The following SV2C variants were observed in gnomAD, a reference collection of about 807,000 sequenced individuals.
The protein encoded by SV2C is solute carrier family 22 member B3.
Under a neutral mutation model 79.7 loss-of-function variants are expected in SV2C, and 49 were observed. That is an observed-to-expected ratio of 0.61 (90% confidence interval 0.49 to 0.78). The LOEUF is 0.78. Among genes scored for constraint, SV2C ranks in the 30% least tolerant of loss-of-function variants. The probability of loss-of-function intolerance (pLI) is 0.00; values close to 1 mark genes in which losing one functional copy is unlikely to be tolerated. For missense variants in SV2C, 833 were observed against 912.9 expected (o/e 0.91, Z 1.13); for synonymous variants, 334 against 333.2 (o/e 1.00, Z -0.03).
At chr5:75,981,177 C>T in the SV2C span, among the ~76,000 whole-genome samples, 1 of 152,092 alleles carries the variant, frequency 6.6e-6, no homozygotes, top group Non-Finnish European at 1.5e-5. Flanking sequence ...AAGATCTCTA[C>T]AAAGTAAACT....
chr5:76,146,251 C>T (rs998052207), intron 2 of SV2C, among the ~76,000 whole-genome samples: 4 of 152,140 alleles, frequency 2.6e-5, no homozygotes, highest in African/African-American at 9.6e-5. Flanking sequence ...TTGGATGTCA[C>T]GCAAGAAAGA....
At chr5:76,261,005 TAGC>T (rs1233242863) in intron 4 of SV2C, among the ~76,000 whole-genome samples, 1 of 152,214 alleles carries the variant, frequency 6.6e-6, no homozygotes, top group African/African-American at 2.4e-5. Context: ...TTAATGGGAA[TAGC>T]ATTGAATCTA....
At chr5:76,085,599 C>T (rs934634591) in intron 1 of SV2C, among the ~76,000 whole-genome samples, 7 of 152,064 alleles carry the variant, frequency 4.6e-5, no homozygotes, top group African/African-American at 1.4e-4. Flanking sequence ...AACCCAGAGA[C>T]ACAGATGCTA....
the SV2C span, among the ~76,000 whole-genome samples, chr5:75,958,224 T>C: frequency 6.6e-6 from 1 of 151,990 alleles, no homozygotes; most frequent in East Asian, 1.9e-4. Context: ...CCATGGGACA[T>C]CAACTGACTA....
the SV2C span, among the ~76,000 whole-genome samples, chr5:75,985,676 TAACAAAAGTAATGTTA>T: frequency 6.6e-6 from 1 of 151,792 alleles, no homozygotes; most frequent in Non-Finnish European, 1.5e-5. Context: ...TACTAAGTAG[TAACAAAAGTAATGTTA>T]AAAAAAAGTA....
At chr5:75,949,134 G>C in the SV2C span, among the ~76,000 whole-genome samples, 1 of 151,886 alleles carries the variant, frequency 6.6e-6, no homozygotes, top group African/African-American at 2.4e-5. Context: ...TTAGTCATGT[G>C]ATGTACCTAC....
intron 12 of SV2C, among the ~76,000 whole-genome samples, chr5:76,352,072 G>A (rs1412779372): frequency 2.0e-5 from 3 of 152,118 alleles, no homozygotes; most frequent in Non-Finnish European, 4.4e-5. Context: ...AATTAGCTGG[G>A]CATGGTGGTG....
At chr5:76,079,131 C>T, upstream of SV2C, 1 of 336,030 alleles carries the variant, frequency 3.0e-6, no homozygotes, top group Non-Finnish European at 6.0e-6. Context: ...CAATTCTACA[C>T]TAGAAGCAAT....
chr5:76,062,822 C>T, the SV2C span, among the ~76,000 whole-genome samples: 1 of 152,136 alleles, frequency 6.6e-6, no homozygotes, highest in Admixed American at 6.6e-5. Flanking sequence ...CCAGCCAACT[C>T]ATTGGGGTTG....
At chr5:76,079,643 C>G, upstream of SV2C, 1 of 348,300 alleles carries the variant, frequency 2.9e-6, no homozygotes. Context: ...AGAAGCCCTG[C>G]CACTCTATGA....
intron 4 of SV2C, 21 bp from the exon 5 acceptor site, chr5:76,285,141 C>A: frequency 6.2e-7 from 1 of 1,613,212 alleles, no homozygotes; most frequent in Non-Finnish European, 8.5e-7. Flanking sequence ...CTCCCTCACT[C>A]TCCGTGTCCT....
At chr5:75,976,596 C>G in the SV2C span, among the ~76,000 whole-genome samples, 1 of 151,930 alleles carries the variant, frequency 6.6e-6, no homozygotes, top group South Asian at 2.1e-4. Context: ...AGCAACATGA[C>G]CAATTGAAGA....
intron 12 of SV2C, among the ~76,000 whole-genome samples, chr5:76,314,370 A>AG (rs1390800164): frequency 1.3e-5 from 2 of 152,114 alleles, no homozygotes; most frequent in Non-Finnish European, 1.5e-5. Flanking sequence ...CTGATCCTTC[A>AG]GCTGTCAGCT....
rs781278758 is a variant in SV2C at position 76,132,015 on chromosome 5, T to C, written c.265T>C (p.Tyr89His). 8 of 1,613,224 alleles carry C rather than the reference T, an allele frequency of 5.0e-6. No homozygotes were observed. In the Admixed American group the frequency reaches 1.3e-4, roughly 27 times the overall value. Residue 89 changes from tyrosine to histidine, a missense_variant, in exon 2 of 13, where the codon TAT (tyrosine) becomes CAT (histidine). Coordinates refer to ENST00000502798, the MANE Select transcript of SV2C (RefSeq NM_014979.4). ...TEGHDEDDEI[Y>H]EGEYQGIPSM... is the part of the protein sequence containing the mutation. ...GGGGCATGATGAAGATGATGAGATC[T>C]ATGAGGGGGAGTATCAGGGCATCCC... is the stretch of plus-strand genomic sequence containing the variant.
intron 4 of SV2C, among the ~76,000 whole-genome samples, chr5:76,275,412 G>A (rs923705297): frequency 5.3e-5 from 8 of 152,054 alleles, no homozygotes; most frequent in South Asian, 4.2e-4. Flanking sequence ...GCGTGAACCC[G>A]GGAGGCAGAG....
rs758961650 is a variant in SV2C at position 76,209,853 on chromosome 5, C to T, written c.879C>T (p.Ala293=). 3.7e-6 allele frequency: 6 copies of T among 1,613,996 alleles called. No homozygotes were observed. In the East Asian group the frequency reaches 1.3e-4, roughly 36 times the overall value. The stretch of plus-strand genomic sequence containing the variant: ...TCTGGATGATCGGTGGCATCTACGC[C>T]TCTGCCATGGCCTGGGCCATCATCC... The part of the protein sequence containing the change: ...CMFWMIGGIY[A]SAMAWAIIPH... Residue 293 remains alanine (A), a synonymous_variant, in exon 4 of 13, where the codon GCC becomes GCT. Transcript: ENST00000502798.
chr5:76,013,068 G>T, the SV2C span, among the ~76,000 whole-genome samples: 1 of 152,148 alleles, frequency 6.6e-6, no homozygotes, highest in Non-Finnish European at 1.5e-5. Flanking sequence ...TTTTTACTTA[G>T]GATTGCCTTG....
chr5:76,099,365 CGTGTGT>C (rs10582798), intron 1 of SV2C, among the ~76,000 whole-genome samples: 53 of 148,556 alleles, frequency 3.6e-4, no homozygotes, highest in South Asian at 3.2e-3. Context: ...TTCTTTTGCT[CGTGTGT>C]GTGTGTGTGT....
At chr5:76,030,274 T>G in the SV2C span, among the ~76,000 whole-genome samples, 3 of 109,468 alleles carry the variant, frequency 2.7e-5, no homozygotes, top group Admixed American at 9.0e-5. Flanking sequence ...TTGTTTTTTT[T>G]TTTTTTTTTT....
Sources: gnomAD v4.1 joint callset for allele counts (sites outside exome capture counted in the v4.1 genomes callset) on GRCh38, gnomAD v4.1.1 for gene constraint, MANE v1.5 for transcripts, NCBI Gene and HGNC (gene_info 2026-07-23, HGNC 2026-07-21) for gene names.